The following NAV3 variants were observed in gnomAD, a reference collection of about 807,000 sequenced individuals.
The protein encoded by NAV3 is pore membrane and/or filament interacting like protein 1.
A neutral mutation model predicts 244.7 loss-of-function variants in NAV3; 87 were observed. The ratio of observed to expected loss-of-function variants is 0.36; its 90% CI spans 0.30 to 0.42. NAV3 has a LOEUF of 0.42. Among genes scored for constraint, NAV3 ranks in the 20% least tolerant of loss-of-function variants. NAV3 has a pLI of 1.00. For missense variants in NAV3, 2,663 were observed against 2,893.3 expected (o/e 0.92, Z 1.83); for synonymous variants, 1,126 against 1,042.2 (o/e 1.08, Z -1.55).
chr12:78,177,143 G>C lies in NAV3; in HGVS notation c.5127G>C (p.Leu1709=). The part of the protein sequence containing the change: ...KNWVNSRGSE[L]RSSFKQAFGK... ...GGTAATTTCTGTCCTTGTTTCAGCT[G>C]AGAAGTTCTTTCAAACAAGCCTTTG... The change falls in exon 27 of 40, where the codon CTG becomes CTC. Residue 1709 remains leucine (L), a splice_region_variant and synonymous_variant. Transcript: ENST00000397909. 6.2e-7 allele frequency: 1 copy of C among 1,613,354 alleles called. No individual in the cohort carries two copies. The highest frequency in any genetic ancestry group is 8.5e-7 in the Non-Finnish European group (1 of 1,179,542).
In NAV3 at chr12:77,814,086, T is replaced by C. The variant is rs117200529; in HGVS notation, c.73-126233T>C. On this transcript the variant is annotated intron_variant, in intron 2 of 8. Coordinates refer to the NAV3 transcript ENST00000550042. Reference sequence around the variant, plus strand: ...GCTCTGGGGTGCGGAGCCCAGCATCTGTGTTTCGGCAAGCCCTCTAAGTGA... The same window carrying C: ...GCTCTGGGGTGCGGAGCCCAGCATCCGTGTTTCGGCAAGCCCTCTAAGTGA... Among the ~76,000 whole-genome samples the C allele has an allele frequency of 2.5e-3, 382 of 152,174 alleles. 5 individuals are homozygous for C. In the East Asian group the frequency reaches 0.033, roughly 13 times the overall value.
intron 2 of NAV3, among the ~76,000 whole-genome samples, chr12:77,734,527 C>T (rs1048055724): frequency 1.3e-5 from 2 of 152,112 alleles, no homozygotes; most frequent in Non-Finnish European, 2.9e-5. Flanking sequence ...TTAGACAAAT[C>T]ACAACAACTA....
intron 2 of NAV3, among the ~76,000 whole-genome samples, chr12:77,576,762 A>C (rs1315424305): frequency 6.6e-6 from 1 of 152,158 alleles, no homozygotes; most frequent in Non-Finnish European, 1.5e-5. Flanking sequence ...ATCAATAAAA[A>C]AAGAAAGTTT....
intron 22 of NAV3, among the ~76,000 whole-genome samples, chr12:78,150,640 C>CAT (rs1203664552): frequency 7.3e-6 from 1 of 136,280 alleles, no homozygotes; most frequent in Non-Finnish European, 1.5e-5. Context: ...CTCACACACA[C>CAT]ACACACACAC....
intron 3 of NAV3, among the ~76,000 whole-genome samples, chr12:77,961,338 A>T (rs1013728545): frequency 9.3e-4 from 131 of 141,144 alleles, no homozygotes; most frequent in African/African-American, 3.1e-3. Flanking sequence ...TAATATAATA[A>T]ATATTACACA....
intron 2 of NAV3, among the ~76,000 whole-genome samples, chr12:77,644,205 A>G (rs1386250335): frequency 6.6e-6 from 1 of 152,040 alleles, no homozygotes; most frequent in Non-Finnish European, 1.5e-5. Context: ...GGTCCCCCCA[A>G]AAAAGAGGAA....
chr12:77,688,870 A>G (rs1005744045), intron 2 of NAV3, among the ~76,000 whole-genome samples: 7 of 152,040 alleles, frequency 4.6e-5, no homozygotes, highest in African/African-American at 1.4e-4. Flanking sequence ...CATGATTTAT[A>G]AGGGGTAAAT....
intron 33 of NAV3, 62 bp downstream of exon 33, chr12:78,188,839 C>T (rs1164791654): frequency 6.6e-7 from 1 of 1,511,406 alleles, no homozygotes; most frequent in Non-Finnish European, 9.0e-7. Flanking sequence ...TATTCTGCCC[C>T]CCGCCCCTTT....
At chr12:77,744,208 G>A (rs1415262286) in intron 2 of NAV3, among the ~76,000 whole-genome samples, 1 of 151,950 alleles carries the variant, frequency 6.6e-6, no homozygotes, top group Non-Finnish European at 1.5e-5. Flanking sequence ...GTGATATGAT[G>A]AAAGGATAGA....
At chr12:77,589,642 C>A (rs1403846880) in intron 2 of NAV3, among the ~76,000 whole-genome samples, 1 of 152,190 alleles carries the variant, frequency 6.6e-6, no homozygotes, top group Non-Finnish European at 1.5e-5. Context: ...TCACTATTGT[C>A]AGAATACCAT....
At chr12:77,804,945 T>G (rs2044675787) in intron 2 of NAV3, among the ~76,000 whole-genome samples, 1 of 152,060 alleles carries the variant, frequency 6.6e-6, no homozygotes, top group Non-Finnish European at 1.5e-5. Context: ...GTGAATAGGA[T>G]TCACTCATGA....
chr12:77,807,861 C>T (rs1440721625), intron 2 of NAV3, among the ~76,000 whole-genome samples: 1 of 152,094 alleles, frequency 6.6e-6, no homozygotes, highest in East Asian at 1.9e-4. Context: ...TTCTTGGAGG[C>T]TTTGTTGGTT....
At chr12:78,075,408 C>A (rs1048815923) in intron 12 of NAV3, among the ~76,000 whole-genome samples, 2 of 151,590 alleles carry the variant, frequency 1.3e-5, no homozygotes, top group African/African-American at 4.9e-5. Flanking sequence ...ATACTAAAAC[C>A]GACTTGAGAA....
chr12:78,172,289 T>G (rs1272480075), intron 24 of NAV3, among the ~76,000 whole-genome samples: 1 of 151,724 alleles, frequency 6.6e-6, no homozygotes, highest in Non-Finnish European at 1.5e-5. Context: ...GACATAGTGA[T>G]AGGCAAACAT....
intron 2 of NAV3, among the ~76,000 whole-genome samples, chr12:77,735,030 C>A (rs1398113433): frequency 3.9e-5 from 6 of 152,034 alleles, no homozygotes; most frequent in Non-Finnish European, 8.8e-5. Flanking sequence ...TAATAATATG[C>A]GAATTGATAT....
chr12:77,749,664 C>A (rs1371012612), intron 2 of NAV3, among the ~76,000 whole-genome samples: 1 of 151,520 alleles, frequency 6.6e-6, no homozygotes, highest in Non-Finnish European at 1.5e-5. Flanking sequence ...GAAGTGCCTG[C>A]TAAAAATAAA....
chr12:77,638,609 G>A (rs553364359), intron 2 of NAV3, among the ~76,000 whole-genome samples: 8 of 152,272 alleles, frequency 5.3e-5, no homozygotes, highest in South Asian at 2.1e-4. Flanking sequence ...CTGAATATTG[G>A]GGTGATTGGA....
chr12:77,773,231 G>GTT (rs11397313), intron 2 of NAV3, among the ~76,000 whole-genome samples: 230 of 149,200 alleles, frequency 1.5e-3, no homozygotes, highest in Middle Eastern at 7.0e-3. Context: ...TAAAAGCATT[G>GTT]TTTTTTTTTT....
intron 12 of NAV3, among the ~76,000 whole-genome samples, chr12:78,108,242 C>T (rs942587719): frequency 3.9e-5 from 6 of 152,074 alleles, no homozygotes; most frequent in Admixed American, 1.3e-4. Flanking sequence ...ATGAGATTAA[C>T]CCAGCAATAG....
Sources: gnomAD v4.1 joint callset for allele counts (sites outside exome capture counted in the v4.1 genomes callset) on GRCh38, gnomAD v4.1.1 for gene constraint, MANE v1.5 for transcripts, NCBI Gene and HGNC (gene_info 2026-07-23, HGNC 2026-07-21) for gene names.